RPL39L: variants seen among roughly 807,000 people sequenced by gnomAD.
RPL39L encodes ribosomal protein L39 like, also known as ribosomal protein eL39-like 2.
For missense variants in RPL39L, 48 were observed against 58.9 expected (o/e 0.81, Z 0.61); for synonymous variants, 16 against 20.1 (o/e 0.80, Z 0.55).
chr3:187,126,307 G>A (rs1020517345), intron 2 of RPL39L, among the ~76,000 whole-genome samples: 5 of 151,490 alleles, frequency 3.3e-5, no homozygotes, highest in South Asian at 2.1e-4. Flanking sequence ...GATTACAGGC[G>A]CCTGCCACTA....
chr3:187,123,002 G>A (rs985157436), intron 2 of RPL39L, among the ~76,000 whole-genome samples: 1 of 152,178 alleles, frequency 6.6e-6, no homozygotes, highest in African/African-American at 2.4e-5. Flanking sequence ...GAAAAATGGG[G>A]TGGAAAAAAA....
chr3:187,122,043 C>A (rs567490129), intron 2 of RPL39L, among the ~76,000 whole-genome samples: 2 of 152,162 alleles, frequency 1.3e-5, no homozygotes, highest in Non-Finnish European at 2.9e-5. Context: ...TGAATGTATA[C>A]ATTTAAAACA....
chr3:187,128,430 T>C (rs1343489681), intron 1 of RPL39L, among the ~76,000 whole-genome samples: 1 of 152,236 alleles, frequency 6.6e-6, no homozygotes, highest in Non-Finnish European at 1.5e-5. Flanking sequence ...TTTTGATTCA[T>C]GGTATCAACA....
chr3:187,138,831 G>A (rs1720633377), intron 1 of RPL39L, among the ~76,000 whole-genome samples: 1 of 152,172 alleles, frequency 6.6e-6, no homozygotes, highest in Non-Finnish European at 1.5e-5. Flanking sequence ...AGGCCGAGGC[G>A]GGCGGATCAC....
In RPL39L at chr3:187,121,070, T is replaced by A; in HGVS notation, c.*75A>T. On this transcript the variant is annotated 3_prime_UTR_variant, in exon 3 of 3. Transcript: ENST00000296277. ...TGCAACTGTCCAGGTAGTGGTGACATTTTCAGCTTGATATCGTAAGATGAT... is the reference window on the plus strand; with the variant it reads ...TGCAACTGTCCAGGTAGTGGTGACAATTTCAGCTTGATATCGTAAGATGAT... 6.5e-7 allele frequency: 1 copy of A among 1,543,820 alleles called. No homozygotes were observed. The highest frequency in any genetic ancestry group is 8.9e-7 in the Non-Finnish European group (1 of 1,123,004).
At chr3:187,135,279 G>A (rs77571582) in intron 1 of RPL39L, among the ~76,000 whole-genome samples, 5,451 of 152,238 alleles carry the variant, frequency 0.036, 150 homozygotes, top group Middle Eastern at 0.099. Flanking sequence ...CGGTAATATC[G>A]TTTGGCTGTG....
chr3:187,128,108 C>T (rs1720428010), intron 1 of RPL39L, 46 bp from the exon 2 acceptor site: 1 of 152,176 alleles, frequency 6.6e-6, no homozygotes, highest in Non-Finnish European at 1.5e-5. Flanking sequence ...TAAGATCCTA[C>T]TATTTTCAGT....
intron 1 of RPL39L, among the ~76,000 whole-genome samples, chr3:187,129,200 C>CAATT (rs1409643547): frequency 6.6e-6 from 1 of 152,182 alleles, no homozygotes; most frequent in Non-Finnish European, 1.5e-5. Context: ...GATAATATAG[C>CAATT]TCAGGATAAA....
chr3:187,121,710 T>TA (rs986565831), intron 2 of RPL39L, among the ~76,000 whole-genome samples: 6 of 152,112 alleles, frequency 3.9e-5, no homozygotes, highest in South Asian at 2.1e-4. Flanking sequence ...AATAGAACAC[T>TA]AAAAAAAACT....
intron 1 of RPL39L, among the ~76,000 whole-genome samples, chr3:187,135,366 T>C (rs1239106568): frequency 1.3e-5 from 2 of 152,166 alleles, no homozygotes; most frequent in African/African-American, 4.8e-5. Flanking sequence ...TGGGAGGTGA[T>C]TGAATCATGA....
chr3:187,128,347 T>C (rs1470987086), intron 1 of RPL39L, among the ~76,000 whole-genome samples: 1 of 152,190 alleles, frequency 6.6e-6, no homozygotes, highest in African/African-American at 2.4e-5. Context: ...GTTTCTTGTG[T>C]TTATGAAAAA....
chr3:187,126,173 T>G (rs1053626686), intron 2 of RPL39L, among the ~76,000 whole-genome samples: 2 of 151,886 alleles, frequency 1.3e-5, no homozygotes, highest in African/African-American at 4.8e-5. Context: ...TCTTTTTTTT[T>G]TTTTTGAGAT....
At chr3:187,137,079 T>C (rs980134444) in intron 1 of RPL39L, among the ~76,000 whole-genome samples, 8 of 151,364 alleles carry the variant, frequency 5.3e-5, no homozygotes, top group Non-Finnish European at 8.8e-5. Flanking sequence ...TGGTGGTGCA[T>C]GCCTGTGATC....
intron 1 of RPL39L, among the ~76,000 whole-genome samples, chr3:187,134,260 T>C (rs1483818031): frequency 6.6e-6 from 1 of 152,038 alleles, no homozygotes; most frequent in Non-Finnish European, 1.5e-5. Flanking sequence ...TAAAGTAGTC[T>C]AAAGCAGTGG....
At position 187,121,323 on chromosome 3, in the gene RPL39L, A is replaced by G. The variant is rs1720305246; in HGVS notation, c.-23T>C. The G allele has an allele frequency of 1.2e-6, 2 of 1,613,396 alleles. No individual in the cohort carries two copies. Among genetic ancestry groups the G allele is most frequent in the African/African-American group, 1.3e-5 (1 of 74,918 alleles). On this transcript the variant is annotated 5_prime_UTR_variant, in exon 3 of 3. Transcript: ENST00000296277. ...CATGGCGAGAAACAGAGTCAACCAC[A>G]CACCACTATGGCGGAGAAAGGGAGA...
chr3:187,125,176 T>C (rs1271436109), intron 2 of RPL39L, among the ~76,000 whole-genome samples: 1 of 152,220 alleles, frequency 6.6e-6, no homozygotes. Flanking sequence ...GTGGGCTTCA[T>C]GGTGGTCCTG....
intron 2 of RPL39L, among the ~76,000 whole-genome samples, chr3:187,126,817 C>T (rs1406173067): frequency 6.6e-6 from 1 of 152,156 alleles, no homozygotes; most frequent in Admixed American, 6.5e-5. Context: ...GAAAACAAAA[C>T]CCTGGGTTCA....
intron 1 of RPL39L, among the ~76,000 whole-genome samples, chr3:187,128,596 A>T (rs760190670): frequency 3.6e-4 from 55 of 152,244 alleles, no homozygotes; most frequent in Non-Finnish European, 6.6e-4. Flanking sequence ...TGCAGCCTCA[A>T]ATGCCTGGCC....
intron 1 of RPL39L, among the ~76,000 whole-genome samples, chr3:187,134,014 A>G (rs946394654): frequency 6.6e-6 from 1 of 152,120 alleles, no homozygotes; most frequent in African/African-American, 2.4e-5. Context: ...GAAAAAAACA[A>G]CTCATTGTGA....
Sources: gnomAD v4.1 joint callset for allele counts (sites outside exome capture counted in the v4.1 genomes callset) on GRCh38, gnomAD v4.1.1 for gene constraint, MANE v1.5 for transcripts, NCBI Gene and HGNC (gene_info 2026-07-23, HGNC 2026-07-21) for gene names.